Variants in PDE4B observed in about 807,000 individuals in gnomAD.
The protein encoded by PDE4B is phosphodiesterase 4B, also known as 3',5'-cyclic-AMP phosphodiesterase 4B.
Under a neutral mutation model 82.2 loss-of-function variants are expected in PDE4B, and 20 were observed. The observed-to-expected ratio is 0.24, with a 90% CI of 0.17 to 0.35. The LOEUF is 0.35. Ranked by LOEUF, PDE4B falls within the 10% of genes least tolerant of loss-of-function variation. The probability of loss-of-function intolerance (pLI) is 1.00; values close to 1 mark genes in which losing one functional copy is unlikely to be tolerated. For synonymous variants in PDE4B, 320 were observed against 318.9 expected (o/e 1.00, Z -0.04); for missense variants, 655 against 907.2 (o/e 0.72, Z 3.57).
At chr1:66,029,011 C>G (rs534488505) in intron 3 of PDE4B, among the ~76,000 whole-genome samples, 1 of 152,170 alleles carries the variant, frequency 6.6e-6, no homozygotes, top group African/African-American at 2.4e-5. Context: ...TTTTCAGCAA[C>G]GCCCCACTCT....
intron 3 of PDE4B, among the ~76,000 whole-genome samples, chr1:66,154,413 G>C (rs1646461627): frequency 6.6e-6 from 1 of 152,138 alleles, no homozygotes; most frequent in Non-Finnish European, 1.5e-5. Context: ...GTAGGGGACA[G>C]GCTTGATAAA....
intron 10 of PDE4B, among the ~76,000 whole-genome samples, chr1:66,362,961 T>A (rs1453603841): frequency 6.6e-6 from 1 of 152,118 alleles, no homozygotes; most frequent in Non-Finnish European, 1.5e-5. Flanking sequence ...CTTTTCAGAA[T>A]AAAAAATGTT....
At chr1:66,105,522 A>G (rs1302500035) in intron 3 of PDE4B, among the ~76,000 whole-genome samples, 1 of 152,114 alleles carries the variant, frequency 6.6e-6, no homozygotes, top group African/African-American at 2.4e-5. Flanking sequence ...TCTATAAATT[A>G]CCTTGGGCAG....
intron 3 of PDE4B, among the ~76,000 whole-genome samples, chr1:66,156,367 C>T (rs1294903192): frequency 1.3e-5 from 2 of 152,108 alleles, no homozygotes; most frequent in African/African-American, 4.8e-5. Context: ...ATAATAGGGA[C>T]ATGATACAAT....
At chr1:66,027,729 G>T (rs955114885) in intron 3 of PDE4B, among the ~76,000 whole-genome samples, 1 of 152,144 alleles carries the variant, frequency 6.6e-6, no homozygotes, top group Non-Finnish European at 1.5e-5. Flanking sequence ...AGGGGTTATG[G>T]GGCCCATGCA....
In PDE4B at chr1:66,154,195, T is replaced by C. The variant is rs114750073; in HGVS notation, c.282-93265T>C. 3.3e-3 allele frequency among the ~76,000 whole-genome samples: 506 copies of C among 152,242 alleles called. 2 individuals are homozygous for C. Among genetic ancestry groups the C allele is most frequent in the African/African-American group, 0.011 (477 of 41,552 alleles). On this transcript the variant is annotated intron_variant, in intron 3 of 16. Transcript: ENST00000341517. ...CAGCAGAGATGTTTTATCCTCTAAT[T>C]CTTATCTGTTTATTGCTTACCTGAG...
At chr1:65,928,662 G>C (rs1647656473) in intron 3 of PDE4B, among the ~76,000 whole-genome samples, 1 of 152,138 alleles carries the variant, frequency 6.6e-6, no homozygotes, top group Non-Finnish European at 1.5e-5. Flanking sequence ...ATTTTGCAAG[G>C]CATTGGTCAA....
chr1:66,261,851 T>C (rs933070306), intron 6 of PDE4B, among the ~76,000 whole-genome samples: 2 of 152,250 alleles, frequency 1.3e-5, no homozygotes, highest in African/African-American at 4.8e-5. Context: ...TTAGAGTTGT[T>C]AATTCAGATA....
At chr1:65,824,753 C>T (rs1645995099) in intron 1 of PDE4B, among the ~76,000 whole-genome samples, 1 of 151,994 alleles carries the variant, frequency 6.6e-6, no homozygotes, top group Non-Finnish European at 1.5e-5. Context: ...TCATTTACAG[C>T]AAGCCCTTCT....
At chr1:65,872,446 A>G (rs1646584364) in intron 1 of PDE4B, among the ~76,000 whole-genome samples, 1 of 152,194 alleles carries the variant, frequency 6.6e-6, no homozygotes, top group South Asian at 2.1e-4. Flanking sequence ...CTCTGAGAAC[A>G]GGAAGTAATC....
chr1:65,918,987 G>A (rs1647193322), intron 3 of PDE4B, 152 bp downstream of exon 3: 3 of 616,846 alleles, frequency 4.9e-6, no homozygotes, highest in Admixed American at 5.6e-5. Context: ...TCAAAGATAA[G>A]GTCTTGTAAA....
intron 3 of PDE4B, among the ~76,000 whole-genome samples, chr1:66,232,464 T>G (rs1652029975): frequency 6.6e-6 from 1 of 152,228 alleles, no homozygotes; most frequent in African/African-American, 2.4e-5. Context: ...TCTCATTGTT[T>G]TAAACACATT....
At chr1:65,966,756 T>C (rs1649857598) in intron 3 of PDE4B, among the ~76,000 whole-genome samples, 1 of 151,880 alleles carries the variant, frequency 6.6e-6, no homozygotes, top group East Asian at 1.9e-4. Flanking sequence ...ATCCGATCTT[T>C]GACAAATCTG....
Position 65,816,190 on chromosome 1 carries a change from A to AGTGTGTGTGTGTGTGTGTGTGT in PDE4B, c.-71+22957_-71+22978dup, listed in dbSNP as rs139330007. ...TTCTGTTTTTAGTGATTATTAATGC[A>AGTGTGTGTGTGTGTGTGTGTGT]GTGTGTGTGTGTGTGTGTGTGTGTG... On this transcript the variant is annotated intron_variant, in intron 1 of 16. Coordinates refer to ENST00000341517, the MANE Select transcript of PDE4B (RefSeq NM_002600.4). 2.3e-5 allele frequency among the ~76,000 whole-genome samples: 3 copies of AGTGTGTGTGTGTGTGTGTGTGT among 132,884 alleles called. No individual in the cohort carries two copies. In the Admixed American group the frequency reaches 2.3e-4, roughly 10 times the overall value. The allele number at this position is 132,884 out of a possible 152,430, so 87.2% of individuals were successfully genotyped here.
chr1:65,938,725 C>T (rs1648285854), intron 3 of PDE4B, among the ~76,000 whole-genome samples: 3 of 152,046 alleles, frequency 2.0e-5, no homozygotes, highest in Non-Finnish European at 4.4e-5. Flanking sequence ...TGTGTAAAGT[C>T]ATAAGAGCAT....
intron 3 of PDE4B, among the ~76,000 whole-genome samples, chr1:66,201,961 C>G (rs1425826748): frequency 6.6e-6 from 1 of 152,128 alleles, no homozygotes; most frequent in Non-Finnish European, 1.5e-5. Flanking sequence ...TTAGATCTTT[C>G]CTGCTTTCTC....
intron 3 of PDE4B, among the ~76,000 whole-genome samples, chr1:66,174,804 G>A (rs149461083): frequency 1.3e-5 from 2 of 151,342 alleles, no homozygotes; most frequent in Non-Finnish European, 3.0e-5. Flanking sequence ...AACTACCTGA[G>A]ACTGGGTAAT....
intron 3 of PDE4B, among the ~76,000 whole-genome samples, chr1:66,148,387 G>T (rs183151224): frequency 6.6e-6 from 1 of 152,166 alleles, no homozygotes; most frequent in Admixed American, 6.5e-5. Flanking sequence ...TCTAAATCCT[G>T]TCTATTCTTG....
At chr1:66,152,166 A>C (rs1646408356) in intron 3 of PDE4B, among the ~76,000 whole-genome samples, 1 of 152,152 alleles carries the variant, frequency 6.6e-6, no homozygotes, top group Admixed American at 6.5e-5. Context: ...GGTGTAACAG[A>C]GCTGTGTTTG....
Sources: gnomAD v4.1 joint callset for allele counts (sites outside exome capture counted in the v4.1 genomes callset) on GRCh38, gnomAD v4.1.1 for gene constraint, MANE v1.5 for transcripts, NCBI Gene and HGNC (gene_info 2026-07-23, HGNC 2026-07-21) for gene names.